Variants in PIK3R4 observed in about 807,000 individuals in gnomAD.
PIK3R4 encodes phosphoinositide-3-kinase regulatory subunit 4, also known as phosphoinositide 3-kinase regulatory subunit 4.
A neutral mutation model predicts 136.5 loss-of-function variants in PIK3R4; 46 were observed. That is an observed-to-expected ratio of 0.34 (90% confidence interval 0.27 to 0.43). The LOEUF (loss-of-function observed/expected upper bound fraction) is 0.43. Among genes scored for constraint, PIK3R4 ranks in the 20% least tolerant of loss-of-function variants. The pLI is 1.00. For missense variants in PIK3R4, 1,331 were observed against 1,649.5 expected, an observed-to-expected ratio of 0.81 and a Z score of 3.35; for synonymous variants, 557 against 566.7, an observed-to-expected ratio of 0.98 and a Z score of 0.24.
chr3:130,696,642 T>C (rs944511968), intron 13 of PIK3R4, among the ~76,000 whole-genome samples: 1 of 152,214 alleles, frequency 6.6e-6, no homozygotes, highest in Admixed American at 6.5e-5. Context: ...TTTAAACTTA[T>C]TGAGGTTTGT....
At chr3:130,696,699 C>T (rs143386799) in intron 13 of PIK3R4, among the ~76,000 whole-genome samples, 1,802 of 152,248 alleles carry the variant, frequency 0.012, 26 homozygotes, top group South Asian at 0.02. Context: ...TACATGTACA[C>T]TTAAGGAAGA....
At chr3:130,727,232 T>A (rs1394575691) in intron 6 of PIK3R4, among the ~76,000 whole-genome samples, 1 of 152,092 alleles carries the variant, frequency 6.6e-6, no homozygotes, top group Non-Finnish European at 1.5e-5. Flanking sequence ...GTCTTTTTTT[T>A]TTTTTTGAGA....
At chr3:130,697,566 C>A (rs2066553162) in intron 13 of PIK3R4, among the ~76,000 whole-genome samples, 1 of 152,112 alleles carries the variant, frequency 6.6e-6, no homozygotes, top group Non-Finnish European at 1.5e-5. Context: ...ACAATGAACA[C>A]CTTAAAATAA....
intron 7 of PIK3R4, among the ~76,000 whole-genome samples, chr3:130,722,474 T>C (rs1252122847): frequency 6.6e-6 from 1 of 152,214 alleles, no homozygotes; most frequent in African/African-American, 2.4e-5. Flanking sequence ...TTAAAATTGA[T>C]GGGCATCTGT....
At chr3:130,714,378 G>A (rs939860462) in intron 9 of PIK3R4, among the ~76,000 whole-genome samples, 19 of 152,008 alleles carry the variant, frequency 1.2e-4, no homozygotes, top group African/African-American at 4.6e-4. Context: ...AAAACAAGAT[G>A]TACATTTAGA....
In PIK3R4 at chr3:130,705,635, T is replaced by C. The variant is rs1323815774; in HGVS notation, c.2858A>G (p.Glu953Gly). The change falls in exon 12 of 20, where the codon GAG becomes GGG. Residue 953 changes from glutamate (E) to glycine (G), a missense_variant. Transcript: ENST00000356763. ...AGCTATTCTCTCAGCATTGCACTGC[T>C]CCCGCTTTTGCTGGATGAGTTGCTG... ...ELQQLIQQKR[E>G]QCNAERIAKQ... is the part of the protein sequence containing the mutation. 2 of 1,613,748 alleles carry C rather than the reference T, an allele frequency of 1.2e-6. No individual in the cohort carries two copies. The highest frequency in any genetic ancestry group is 1.7e-5 in the Admixed American group (1 of 60,004).
In PIK3R4 at chr3:130,735,917, G is replaced by A. The variant is rs55951445; in HGVS notation, c.819C>T (p.Phe273=). The change falls in exon 3 of 20, where the codon TTC becomes TTT. Residue 273 remains phenylalanine, a synonymous_variant. Coordinates refer to ENST00000356763, the MANE Select transcript of PIK3R4 (RefSeq NM_014602.3). The part of the protein sequence containing the change: ...QLLAYRNGHF[F]PEQVLNKIED... ...CAATTTTATTTAGCACTTGTTCAGGGAAAAAATGTCCATTTCTATAAGCCA... is the reference window on the plus strand; with the variant it reads ...CAATTTTATTTAGCACTTGTTCAGGAAAAAAATGTCCATTTCTATAAGCCA... The A allele has an allele frequency of 1.9e-6, 3 of 1,612,214 alleles. No individual in the cohort carries two copies. In the African/African-American group the frequency reaches 4.0e-5, roughly 22 times the overall value.
At chr3:130,742,420 T>C (rs554727514) in intron 2 of PIK3R4, among the ~76,000 whole-genome samples, 1 of 152,236 alleles carries the variant, frequency 6.6e-6, no homozygotes, top group Non-Finnish European at 1.5e-5. Context: ...ATTCCTAAGC[T>C]AAAGGATTAC....
rs1334785650 is a variant in PIK3R4, at chr3:130,745,212, T to C, written c.7A>G (p.Asn3Asp). Residue 3 changes from asparagine (N) to aspartate (D), a missense_variant, in exon 2 of 20, where the codon AAT becomes GAT. This residue lies in a region of PIK3R4 where 151 missense variants were observed against 242.5 expected (regional missense o/e 0.62). Transcript: ENST00000356763. MG[N>D]QLAGIAPSQI... The stretch of plus-strand genomic sequence containing the variant: ...GAGGGAGCAATGCCAGCAAGCTGAT[T>C]TCCCATAATGGCAAGCACCTCTGTG... 1 of 1,597,184 alleles carries C rather than the reference T, an allele frequency of 6.3e-7. No homozygotes were observed. Among genetic ancestry groups the C allele is most frequent in the Admixed American group, 1.7e-5 (1 of 57,358 alleles).
At chr3:130,685,119 A>G (rs573865119) in intron 15 of PIK3R4, among the ~76,000 whole-genome samples, 1 of 152,274 alleles carries the variant, frequency 6.6e-6, no homozygotes, top group South Asian at 2.1e-4. Flanking sequence ...TGAGGGAAAA[A>G]CGCGAAACTT....
At position 130,690,888 on chromosome 3, in the gene PIK3R4, TCTC is replaced by T. The variant is rs1430750267; in HGVS notation, c.3099-237_3099-235del. 6.1e-5 allele frequency among the ~76,000 whole-genome samples: 9 copies of T among 147,680 alleles called. No homozygotes were observed. In the East Asian group the frequency reaches 1.8e-3, roughly 29 times the overall value. On this transcript the variant is annotated intron_variant, in intron 13 of 19. Transcript: ENST00000356763. ...CTCTCTATCATAGACTACCCCTCCT[TCTC>T]CTCTTTTTTTTTTTTTTTTTTTCTG...
intron 2 of PIK3R4, among the ~76,000 whole-genome samples, chr3:130,738,702 AAAG>A (rs2066800621): frequency 6.6e-6 from 1 of 152,128 alleles, no homozygotes; most frequent in Non-Finnish European, 1.5e-5. Flanking sequence ...AAAAAAAAAA[AAAG>A]ATGAGGACTG....
intron 9 of PIK3R4, among the ~76,000 whole-genome samples, chr3:130,714,879 G>A (rs1293916353): frequency 6.6e-6 from 1 of 152,066 alleles, no homozygotes. Context: ...CCATGTCTTT[G>A]CTATTGTAAA....
At chr3:130,716,291 T>C in intron 9 of PIK3R4, 105 bp downstream of exon 9, 1 of 846,178 alleles carries the variant, frequency 1.2e-6, no homozygotes, top group Non-Finnish European at 1.9e-6. Context: ...CTCATTTTTA[T>C]GATGTAATCT....
Position 130,746,623 on chromosome 3 carries a change from C to G in PIK3R4, c.-352G>C, listed in dbSNP as rs1020758635. Reference sequence around the variant, plus strand: ...GACCCCTCCAGCCCCCTAACCTGCCCTGGGGGACATGCGTTCCCGGGCCTC... The same window carrying G: ...GACCCCTCCAGCCCCCTAACCTGCCGTGGGGGACATGCGTTCCCGGGCCTC... On this transcript the variant is annotated 5_prime_UTR_variant, in exon 1 of 20. Transcript: ENST00000356763. 1 of 152,324 alleles carries G rather than the reference C, an allele frequency of 6.6e-6. No homozygotes were observed. Among genetic ancestry groups the G allele is most frequent in the Admixed American group, 6.5e-5 (1 of 15,290 alleles). 9.4% of individuals were successfully genotyped at this position (152,324 alleles called of 1,614,324 possible).
chr3:130,681,359 C>T (rs1390569620), intron 17 of PIK3R4, 132 bp downstream of exon 17: 1 of 674,414 alleles, frequency 1.5e-6, no homozygotes, highest in African/African-American at 1.8e-5. Flanking sequence ...CCACATGATA[C>T]TTGATGTTAT....
In PIK3R4 at chr3:130,684,388, GA is replaced by G; in HGVS notation, c.3476-8del. The G allele has an allele frequency of 6.2e-7, 1 of 1,601,114 alleles. No homozygotes were observed. The highest frequency in any genetic ancestry group is 1.1e-5 in the South Asian group (1 of 89,328). Reference sequence around the variant, plus strand: ...ATGGTACCACTGCTTGTACCTTAAAGAAAAAAGGAAAAAAAGATTACCATCT... The same window carrying G: ...ATGGTACCACTGCTTGTACCTTAAAGAAAAAGGAAAAAAAGATTACCATCT... On this transcript the variant is annotated splice_region_variant and splice_polypyrimidine_tract_variant and intron_variant, in intron 15 of 19. Coordinates refer to ENST00000356763, the MANE Select transcript of PIK3R4 (RefSeq NM_014602.3).
At chr3:130,702,343 C>T (rs1288868727) in intron 13 of PIK3R4, among the ~76,000 whole-genome samples, 3 of 151,970 alleles carry the variant, frequency 2.0e-5, no homozygotes, top group East Asian at 1.9e-4. Context: ...AATTGCTCCA[C>T]GGACCTAGGA....
In PIK3R4 at chr3:130,723,444, G is replaced by A. The variant is rs758319060; in HGVS notation, c.1951C>T (p.Pro651Ser). 1 of 1,605,508 alleles carries A rather than the reference G, an allele frequency of 6.2e-7. No individual in the cohort carries two copies. Among genetic ancestry groups the A allele is most frequent in the South Asian group, 1.1e-5 (1 of 88,980 alleles). Reference protein sequence around the residue: ...CMCQLGLLQKPHVYEFASDIA... With the variant: ...CMCQLGLLQKSHVYEFASDIA... ...TCACTGGCAAATTCGTAAACATGGGGTTTTTGTAGCAGTCCTAACTGGCAC... is the reference window on the plus strand; with the variant it reads ...TCACTGGCAAATTCGTAAACATGGGATTTTTGTAGCAGTCCTAACTGGCAC... The change falls in exon 7 of 20, where the codon CCC becomes TCC. Residue 651 changes from proline (P) to serine (S), a missense_variant. By Grantham distance (74) the Pro-to-Ser change is moderately conservative. Coordinates refer to ENST00000356763, the MANE Select transcript of PIK3R4 (RefSeq NM_014602.3).
Sources: allele counts gnomAD v4.1 joint callset (sites outside exome capture counted in the v4.1 genomes callset), GRCh38; gene constraint gnomAD v4.1.1; regional missense constraint gnomAD v4.1.1; transcripts MANE v1.5; gene names NCBI Gene and HGNC (gene_info 2026-07-23, HGNC 2026-07-21).